The following HSP90AA1 variants were observed in gnomAD, a reference collection of about 807,000 sequenced individuals.
The protein encoded by HSP90AA1 is heat shock protein 90 alpha family class A member 1.
HSP90AA1 carries 18 observed loss-of-function variants against 73.3 expected under a neutral mutation model. That is an observed-to-expected ratio of 0.25 (90% CI 0.17 to 0.36). The LOEUF (loss-of-function observed/expected upper bound fraction) is 0.36, where lower values mean the gene tolerates loss of function less well. HSP90AA1 is among the 10% of genes least tolerant of loss of function. The pLI is 1.00. For missense variants in HSP90AA1, 704 were observed against 874.2 expected (o/e 0.81, Z 2.45); for synonymous variants, 477 against 296.9 (o/e 1.61, Z -6.24).
chr14:102,085,541 T>TG, intron 3 of HSP90AA1, 110 bp from the exon 4 acceptor site: 1 of 1,252,148 alleles, frequency 8.0e-7, no homozygotes. Flanking sequence ...TTACTACAGA[T>TG]GCAAAGGCCA....
chr14:102,087,199 C>T (rs1413976588), upstream of HSP90AA1: 2 of 981,442 alleles, frequency 2.0e-6, no homozygotes, highest in Non-Finnish European at 2.4e-6. Context: ...CACCCCGCCC[C>T]CGCGCCTTCC....
At chr14:102,087,056 C>T, upstream of HSP90AA1, 2 of 985,434 alleles carry the variant, frequency 2.0e-6, no homozygotes, top group Non-Finnish European at 2.4e-6. Context: ...ACGCGCCACC[C>T]CCGCGCCTGC....
upstream of HSP90AA1, among the ~76,000 whole-genome samples, chr14:102,087,347 T>C (rs1196433403): frequency 2.7e-5 from 4 of 149,932 alleles, no homozygotes; most frequent in Non-Finnish European, 4.5e-5. Flanking sequence ...TCCGGGCGCC[T>C]TCTGGGGCCG....
chr14:102,085,155 AG>A (rs1324254723), intron 4 of HSP90AA1, 142 bp downstream of exon 4: 2 of 1,458,020 alleles, frequency 1.4e-6, no homozygotes, highest in East Asian at 2.3e-5. Flanking sequence ...TAATAGCCCG[AG>A]GAACTTTTAC....
In HSP90AA1 at chr14:102,083,301, A is replaced by G. The variant is rs758613097; in HGVS notation, c.1488T>C (p.Gly496=). The G allele has an allele frequency of 1.2e-6, 2 of 1,614,074 alleles. No homozygotes were observed. Among genetic ancestry groups the G allele is most frequent in the Admixed American group, 1.7e-5 (1 of 60,022 alleles). Residue 496 remains glycine (G), a splice_region_variant and synonymous_variant, in exon 9 of 11, where the codon GGT becomes GGC. Coordinates refer to ENST00000216281, the MANE Select transcript of HSP90AA1 (RefSeq NM_005348.4). ...AGTTAGCTACCTGGTCCTTGGTCTC[A>G]CCTGAGGTATTACAAAGTTACTTTT... ...ENQKHIYYIT[G]ETKDQVANSA...
At chr14:102,132,885 G>A (rs148263130) in intron 1 of HSP90AA1, among the ~76,000 whole-genome samples, 5,289 of 150,296 alleles carry the variant, frequency 0.035, 248 homozygotes, top group African/African-American at 0.11. Flanking sequence ...GGTTGAACCC[G>A]GGAGGTGGAG....
chr14:102,089,305 G>C (rs1403714954), upstream of HSP90AA1, among the ~76,000 whole-genome samples: 3 of 152,110 alleles, frequency 2.0e-5, no homozygotes, highest in Non-Finnish European at 2.9e-5. Context: ...CCCCTCCCTG[G>C]GTCTGGGCAT....
intron 2 of HSP90AA1, among the ~76,000 whole-genome samples, chr14:102,094,507 G>A (rs890329122): frequency 1.1e-4 from 17 of 152,208 alleles, no homozygotes; most frequent in African/African-American, 4.1e-4. Flanking sequence ...AGGAGGGCAG[G>A]TGCTGGCTGT....
chr14:102,092,035 C>G (rs571349631), upstream of HSP90AA1, among the ~76,000 whole-genome samples: 13 of 151,724 alleles, frequency 8.6e-5, no homozygotes, highest in Non-Finnish European at 1.5e-4. Flanking sequence ...TTTTACTTTT[C>G]AAATAGTTGG....
intron 1 of HSP90AA1, among the ~76,000 whole-genome samples, chr14:102,134,669 C>T (rs547851069): frequency 6.6e-6 from 1 of 152,188 alleles, no homozygotes; most frequent in African/African-American, 2.4e-5. Context: ...TCGTTCCTCC[C>T]GGTGGGCTCG....
At chr14:102,090,279 C>A (rs1193199093), upstream of HSP90AA1, among the ~76,000 whole-genome samples, 1 of 152,182 alleles carries the variant, frequency 6.6e-6, no homozygotes, top group Admixed American at 6.5e-5. Flanking sequence ...CTGCCTCCCA[C>A]CAGGCCAGGT....
At chr14:102,134,642 A>G (rs1048740929) in intron 1 of HSP90AA1, among the ~76,000 whole-genome samples, 1 of 151,120 alleles carries the variant, frequency 6.6e-6, no homozygotes, top group Admixed American at 6.6e-5. Flanking sequence ...CTCCTAAGGC[A>G]GCACGTCTGG....
intron 1 of HSP90AA1, among the ~76,000 whole-genome samples, chr14:102,112,069 T>C (rs753949112): frequency 6.6e-6 from 1 of 152,252 alleles, no homozygotes; most frequent in African/African-American, 2.4e-5. Flanking sequence ...TGTAAACTCA[T>C]GTTCTTCAGT....
chr14:102,083,008 G>C (rs1322437142), intron 9 of HSP90AA1, 26 bp downstream of exon 9: 2 of 1,606,170 alleles, frequency 1.2e-6, no homozygotes, highest in Admixed American at 1.7e-5. Flanking sequence ...AAGTATCAAT[G>C]ATCAGGAAAT....
chr14:102,087,138 C>G (rs962541310), upstream of HSP90AA1: 275 of 984,300 alleles, frequency 2.8e-4, no homozygotes, highest in Non-Finnish European at 3.2e-4. Context: ...CGGAAGAACC[C>G]TCCCCAGCCG....
intron 1 of HSP90AA1, among the ~76,000 whole-genome samples, chr14:102,132,373 A>C (rs781356322): frequency 6.6e-6 from 1 of 152,016 alleles, no homozygotes; most frequent in African/African-American, 2.4e-5. Flanking sequence ...CTCAAAAAAA[A>C]TAAATAAGTA....
At chr14:102,114,779 C>T (rs558513133) in intron 1 of HSP90AA1, among the ~76,000 whole-genome samples, 11 of 152,180 alleles carry the variant, frequency 7.2e-5, no homozygotes, top group African/African-American at 1.9e-4. Flanking sequence ...GCGGGCAGAT[C>T]GCCTGAGGTC....
At chr14:102,138,824 A>G (rs1244983106) in intron 1 of HSP90AA1, among the ~76,000 whole-genome samples, 3 of 152,184 alleles carry the variant, frequency 2.0e-5, no homozygotes, top group Non-Finnish European at 4.4e-5. Flanking sequence ...CCAGGTATAA[A>G]ATAGTGATTG....
At chr14:102,081,855 A>T (rs752544657) in intron 10 of HSP90AA1, 34 bp from the exon 11 acceptor site, 17 of 1,044,428 alleles carry the variant, frequency 1.6e-5, no homozygotes, top group South Asian at 5.0e-5. Flanking sequence ...TATTACAAAG[A>T]TTTCTTAAAG....
Sources: gnomAD v4.1 joint callset for allele counts (sites outside exome capture counted in the v4.1 genomes callset) on GRCh38, gnomAD v4.1.1 for gene constraint, MANE v1.5 for transcripts, NCBI Gene and HGNC (gene_info 2026-07-23, HGNC 2026-07-21) for gene names.